Variants in ACSM3 observed in about 807,000 individuals in gnomAD.
The protein encoded by ACSM3 is acyl-CoA synthetase medium chain family member 3, also known as acyl-coenzyme A synthetase ACSM3, mitochondrial.
Under a neutral mutation model 74.1 loss-of-function variants are expected in ACSM3, and 61 were observed. The ratio of observed to expected loss-of-function variants is 0.82; its 90% CI spans 0.67 to 1.02. The LOEUF (loss-of-function observed/expected upper bound fraction) is 1.02, where lower values mean the gene tolerates loss of function less well. Ranked by LOEUF, ACSM3 falls within the 50% of genes least tolerant of loss-of-function variation. ACSM3 has a pLI of 0.00. For synonymous variants in ACSM3, 213 were observed against 241.5 expected, an observed-to-expected ratio of 0.88 and a Z score of 1.09; for missense variants, 660 against 697.0, an observed-to-expected ratio of 0.95 and a Z score of 0.60.
At chr16:20,687,705 A>G (rs2079577930) in intron 1 of ACSM3, among the ~76,000 whole-genome samples, 1 of 147,718 alleles carries the variant, frequency 6.8e-6, no homozygotes, top group South Asian at 2.2e-4. Context: ...GCTAAAGGAA[A>G]CCACAGATCC....
chr16:20,740,654 G>T (rs1209858134), intron 1 of ACSM3, among the ~76,000 whole-genome samples: 2 of 152,162 alleles, frequency 1.3e-5, no homozygotes, highest in Non-Finnish European at 2.9e-5. Context: ...AGCTAGTAGA[G>T]GATGAGCCGT....
chr16:20,752,285 A>T (rs1197434190), intron 2 of ACSM3, among the ~76,000 whole-genome samples: 1 of 152,122 alleles, frequency 6.6e-6, no homozygotes, highest in African/African-American at 2.4e-5. Flanking sequence ...CCAGAGGATC[A>T]CTTGAGCCCA....
chr16:20,794,066 TAGA>T (rs1160727963), intron 12 of ACSM3, among the ~76,000 whole-genome samples: 2 of 152,114 alleles, frequency 1.3e-5, no homozygotes, highest in Non-Finnish European at 1.5e-5. Flanking sequence ...CATTTCCTAG[TAGA>T]AGATGTGAGT....
In ACSM3 at chr16:20,699,338, G is replaced by A. The variant is rs533427200; in HGVS notation, c.-190+24516G>A. Among the ~76,000 whole-genome samples the A allele has an allele frequency of 1.0e-3, 153 of 152,154 alleles. 1 individual carries two copies. Among genetic ancestry groups the A allele is most frequent in the Non-Finnish European group, 2.0e-3 (136 of 68,028 alleles). On this transcript the variant is annotated intron_variant, in intron 1 of 3. Transcript: ENST00000561584. ...ATTGTTAGAGAATGAGGGATCTCCA[G>A]TATTTTCATTGAAGCTGGGAAGAAA...
rs1455490860 is a variant in ACSM3 at position 20,686,857 on chromosome 16, T to C, written c.-190+12035T>C. Among the ~76,000 whole-genome samples, 3 of 151,948 alleles carry C rather than the reference T, an allele frequency of 2.0e-5. No individual in the cohort carries two copies. In the South Asian group the frequency reaches 6.3e-4, roughly 32 times the overall value. ...GGAAAGTGATTAACATGTTAATTGG[T>C]ATGACTGCAGTAGTATATGTACAAG... On this transcript the variant is annotated intron_variant, in intron 1 of 3. Coordinates refer to the ACSM3 transcript ENST00000561584.
intron 1 of ACSM3, chr16:20,764,812 T>G (rs2080109010): frequency 6.6e-6 from 1 of 152,230 alleles, no homozygotes; most frequent in South Asian, 2.1e-4. Flanking sequence ...ATCCATCTTC[T>G]GCATCATCCA....
intron 3 of ACSM3, among the ~76,000 whole-genome samples, chr16:20,758,064 A>G (rs1343444233): frequency 6.6e-6 from 1 of 152,026 alleles, no homozygotes; most frequent in Admixed American, 6.6e-5. Flanking sequence ...TTTTTGCATC[A>G]ATGTTCATCA....
At chr16:20,794,948 G>A (rs917388230) in intron 12 of ACSM3, among the ~76,000 whole-genome samples, 3 of 152,158 alleles carry the variant, frequency 2.0e-5, no homozygotes, top group Non-Finnish European at 2.9e-5. Flanking sequence ...TGTAGAAATC[G>A]TCAATATGTG....
At chr16:20,701,562 A>G (rs9931106) in intron 1 of ACSM3, among the ~76,000 whole-genome samples, 2,845 of 152,300 alleles carry the variant, frequency 0.019, 82 homozygotes, top group African/African-American at 0.064. Flanking sequence ...TCTGGGATGC[A>G]TGTGCAGAAC....
At chr16:20,697,080 A>G (rs2079693675) in intron 1 of ACSM3, among the ~76,000 whole-genome samples, 1 of 152,052 alleles carries the variant, frequency 6.6e-6, no homozygotes, top group African/African-American at 2.4e-5. Flanking sequence ...CCCCCTCCCC[A>G]TTAGATGTTA....
intron 1 of ACSM3, among the ~76,000 whole-genome samples, chr16:20,688,799 T>G (rs2079600242): frequency 6.6e-6 from 1 of 151,946 alleles, no homozygotes. Flanking sequence ...AAAAGAATGC[T>G]GGAGAGGAAC....
chr16:20,771,944 T>A (rs1378478832), intron 2 of ACSM3, among the ~76,000 whole-genome samples: 1 of 152,236 alleles, frequency 6.6e-6, no homozygotes, highest in East Asian at 1.9e-4. Context: ...TGGGGTAAGA[T>A]CATATCTCAT....
chr16:20,692,031 TC>T lies in ACSM3; in HGVS notation c.-190+17210del, dbSNP rs148183126. ...ATGTCTGCCCCTGTCTTGTTAATAT[TC>T]TCTGGATTCTGTAAGCCAAAAGATT... On this transcript the variant is annotated intron_variant, in intron 1 of 3. Coordinates refer to the ACSM3 transcript ENST00000561584. Among the ~76,000 whole-genome samples the T allele has an allele frequency of 2.7e-3, 411 of 152,280 alleles. 1 individual carries two copies. Among genetic ancestry groups the T allele is most frequent in the Non-Finnish European group, 4.7e-3 (322 of 68,016 alleles).
At chr16:20,785,142 C>A in intron 8 of ACSM3, 35 bp downstream of exon 8, 1 of 1,609,670 alleles carries the variant, frequency 6.2e-7, no homozygotes, top group South Asian at 1.1e-5. Flanking sequence ...TAGCTGGATT[C>A]CATTTAGTCA....
chr16:20,732,372 T>C (rs1263128577), intron 1 of ACSM3, among the ~76,000 whole-genome samples: 1 of 152,176 alleles, frequency 6.6e-6, no homozygotes, highest in Non-Finnish European at 1.5e-5. Flanking sequence ...TTACATTCAC[T>C]AAATTAATGA....
intron 1 of ACSM3, among the ~76,000 whole-genome samples, chr16:20,691,772 T>C (rs1035169423): frequency 2.0e-4 from 29 of 146,064 alleles, no homozygotes; most frequent in Admixed American, 6.2e-4. Context: ...TGTGTGTGTG[T>C]GTGTGTGTGT....
intron 1 of ACSM3, among the ~76,000 whole-genome samples, chr16:20,694,493 C>T (rs1261567917): frequency 1.3e-5 from 2 of 152,252 alleles, no homozygotes; most frequent in Admixed American, 1.3e-4. Context: ...ACACACACCT[C>T]CTTCCACAGG....
Position 20,785,050 on chromosome 16 carries a change from A to C in ACSM3, c.1086A>C (p.Glu362Asp), listed in dbSNP as rs537932144. ...AGEPITPDVT[E>D]KWRNKTGLDI... is the part of the protein sequence containing the mutation. The stretch of plus-strand genomic sequence containing the variant: ...AACCAATTACCCCTGACGTGACTGA[A>C]AAATGGAGAAACAAGACGGGCCTGG... The change falls in exon 8 of 14, where the codon GAA becomes GAC. Residue 362 changes from glutamate (E) to aspartate (D), a missense_variant. Physicochemically the swap from Glu to Asp is conservative, Grantham distance 45. Coordinates refer to ENST00000289416, the MANE Select transcript of ACSM3 (RefSeq NM_005622.4). 6.2e-7 allele frequency: 1 copy of C among 1,613,822 alleles called. No individual in the cohort carries two copies. The highest frequency in any genetic ancestry group is 1.7e-5 in the Admixed American group (1 of 60,014).
At chr16:20,678,464 C>A (rs1338202137) in intron 1 of ACSM3, among the ~76,000 whole-genome samples, 2 of 152,168 alleles carry the variant, frequency 1.3e-5, no homozygotes, top group Non-Finnish European at 2.9e-5. Flanking sequence ...AGAAGCCATG[C>A]CATGTGAAAA....
Sources: gnomAD v4.1 joint callset for allele counts (sites outside exome capture counted in the v4.1 genomes callset) on GRCh38, gnomAD v4.1.1 for gene constraint, MANE v1.5 for transcripts, NCBI Gene and HGNC (gene_info 2026-07-23, HGNC 2026-07-21) for gene names.